Variants in VRK2 observed in about 807,000 individuals in gnomAD.
VRK2 encodes the protein VRK serine/threonine kinase 2.
In VRK2, 60 loss-of-function variants were observed where a neutral mutation model predicts 57.6. The ratio of observed to expected loss-of-function variants is 1.04; its 90% CI spans 0.85 to 1.29. The LOEUF is 1.29. Ranked by LOEUF, VRK2 falls within the 50% of genes most tolerant of loss-of-function variation. VRK2 has a pLI of 0.00. For missense variants in VRK2, 705 were observed against 588.1 expected (o/e 1.20, Z -2.06); for synonymous variants, 231 against 199.2 (o/e 1.16, Z -1.35).
chr2:58,081,348 C>G (rs1670842007), intron 2 of VRK2, among the ~76,000 whole-genome samples: 1 of 152,038 alleles, frequency 6.6e-6, no homozygotes, highest in East Asian at 1.9e-4. Flanking sequence ...TTTTAAGATG[C>G]ATTCAGATTT....
chr2:58,071,036 T>C (rs1453051912), intron 2 of VRK2, among the ~76,000 whole-genome samples: 1 of 152,208 alleles, frequency 6.6e-6, no homozygotes, highest in African/African-American at 2.4e-5. Context: ...TCTCATTGTT[T>C]TAATTTGCAA....
rs530149509 is a variant in VRK2 at position 58,082,629 on chromosome 2, C to A, written c.137-1460C>A. On this transcript the variant is annotated intron_variant, in intron 2 of 12. Coordinates refer to ENST00000340157, the MANE Select transcript of VRK2 (RefSeq NM_006296.7). ...CCCTGTGTATACTTTCTTAAGTTTT[C>A]TTCTTGGAAGAAAGTAGATCTGGCT... Among the ~76,000 whole-genome samples, 3 of 152,014 alleles carry A rather than the reference C, an allele frequency of 2.0e-5. No individual in the cohort carries two copies. In the South Asian group the frequency reaches 6.2e-4, roughly 31 times the overall value.
At chr2:57,937,411 T>A (rs1670949200) in intron 1 of VRK2, among the ~76,000 whole-genome samples, 1 of 152,214 alleles carries the variant, frequency 6.6e-6, no homozygotes, top group South Asian at 2.1e-4. Context: ...AATGGCACTG[T>A]CTCTCTGACA....
intron 7 of VRK2, among the ~76,000 whole-genome samples, chr2:58,119,233 C>G (rs1360702996): frequency 6.6e-6 from 1 of 151,846 alleles, no homozygotes; most frequent in Non-Finnish European, 1.5e-5. Flanking sequence ...CGCAGTGGCT[C>G]ACGCCTGTAA....
chr2:58,020,679 G>A (rs1337905084), intron 1 of VRK2, among the ~76,000 whole-genome samples: 4 of 152,196 alleles, frequency 2.6e-5, no homozygotes, highest in African/African-American at 9.7e-5. Context: ...GGATGCTTCT[G>A]GGAAACAGAG....
At position 58,159,483 on chromosome 2, in the gene VRK2, A is replaced by G. The variant is rs1558723250; in HGVS notation, c.1317A>G (p.Pro439=). The G allele has an allele frequency of 5.6e-6, 9 of 1,613,742 alleles. No homozygotes were observed. The highest frequency in any genetic ancestry group is 1.1e-5 in the South Asian group (1 of 91,064). The change falls in exon 13 of 13, where the codon CCA becomes CCG. Residue 439 remains proline (P), a synonymous_variant. Transcript: ENST00000340157. ...FYEPHQDFTS[P]DIFKKSRSPS... ...AGCCTCATCAAGATTTTACCAGTCC[A>G]GATATATTCAAGAAGTCAAGATCTC...
At chr2:57,956,217 C>G (rs1462556430) in intron 1 of VRK2, among the ~76,000 whole-genome samples, 2 of 151,760 alleles carry the variant, frequency 1.3e-5, no homozygotes, top group Non-Finnish European at 2.9e-5. Context: ...TCCACCTCTA[C>G]AAAAGAAAAA....
chr2:57,961,158 T>C (rs145931058), intron 1 of VRK2, among the ~76,000 whole-genome samples: 1 of 152,130 alleles, frequency 6.6e-6, no homozygotes, highest in Admixed American at 6.6e-5. Context: ...TTAAGTAAGG[T>C]AAGAATACAA....
chr2:57,927,060 G>A (rs1178914233), intron 1 of VRK2, among the ~76,000 whole-genome samples: 1 of 136,518 alleles, frequency 7.3e-6, no homozygotes, highest in African/African-American at 2.7e-5. Context: ...GTTCCCAGGA[G>A]GCTTCTGAAT....
chr2:57,926,437 ATATGTGTG>A (rs1471450694), intron 1 of VRK2, among the ~76,000 whole-genome samples: 30 of 85,962 alleles, frequency 3.5e-4, no homozygotes, highest in East Asian at 6.9e-4. Context: ...ATACATATAT[ATATGTGTG>A]TGTGTGTGTG....
intron 7 of VRK2, among the ~76,000 whole-genome samples, chr2:58,107,099 A>T (rs1674864894): frequency 6.6e-6 from 1 of 152,088 alleles, no homozygotes. Flanking sequence ...TTCATTTGTC[A>T]TATAGTGGTT....
chr2:58,133,567 CAT>C (rs1180288145), intron 9 of VRK2, among the ~76,000 whole-genome samples: 1 of 152,206 alleles, frequency 6.6e-6, no homozygotes, highest in Non-Finnish European at 1.5e-5. Flanking sequence ...ATTTTCCTGA[CAT>C]AGCATGCTGC....
At chr2:58,154,242 A>G (rs57559033) in intron 12 of VRK2, among the ~76,000 whole-genome samples, 2 of 150,742 alleles carry the variant, frequency 1.3e-5, no homozygotes, top group African/African-American at 4.9e-5. Context: ...CCAGCTTTTG[A>G]TTGATCATTC....
In VRK2 at chr2:58,137,202, CTCAT is replaced by C. The variant is rs1431975826; in HGVS notation, c.856+2004_856+2007del. Among the ~76,000 whole-genome samples, 6 of 27,330 alleles carry C rather than the reference CTCAT, an allele frequency of 2.2e-4. 1 individual carries two copies. Among genetic ancestry groups the C allele is most frequent in the Admixed American group, 9.7e-4 (2 of 2,068 alleles). The allele number at this position is 27,330 out of a possible 152,430, so 17.9% of individuals were successfully genotyped here. A position where few individuals can be genotyped will look rare whatever the true frequency, so the allele number is the denominator to read the frequency against. On this transcript the variant is annotated intron_variant, in intron 10 of 12. Transcript: ENST00000340157. ...TATATCATATATGATACATATATAT[CTCAT>C]ATATGATACATATATATCATATGAT...
chr2:57,935,481 A>G (rs960881506), intron 1 of VRK2, among the ~76,000 whole-genome samples: 1 of 152,050 alleles, frequency 6.6e-6, no homozygotes, highest in Non-Finnish European at 1.5e-5. Flanking sequence ...CATCTGTGTG[A>G]GATGCTTGCT....
intron 1 of VRK2, among the ~76,000 whole-genome samples, chr2:58,004,492 G>A (rs954344942): frequency 6.6e-6 from 1 of 152,050 alleles, no homozygotes; most frequent in African/African-American, 2.4e-5. Flanking sequence ...AACAAATCTA[G>A]GCATTATTCT....
At chr2:58,054,794 A>C (rs1484221576) in intron 2 of VRK2, among the ~76,000 whole-genome samples, 5 of 152,158 alleles carry the variant, frequency 3.3e-5, no homozygotes, top group African/African-American at 1.2e-4. Context: ...TTTCTTTAGA[A>C]TGTTTGTCCC....
chr2:57,972,411 T>C (rs746838239), intron 1 of VRK2, among the ~76,000 whole-genome samples: 2 of 152,016 alleles, frequency 1.3e-5, no homozygotes, highest in East Asian at 1.9e-4. Flanking sequence ...TTTATCTTAC[T>C]ATACACATGC....
intron 1 of VRK2, among the ~76,000 whole-genome samples, chr2:58,025,404 TAAG>T (rs1452834885): frequency 6.6e-6 from 1 of 152,172 alleles, no homozygotes; most frequent in African/African-American, 2.4e-5. Context: ...TTTGGCTTCT[TAAG>T]AAGAATTCAA....
Sources: gnomAD v4.1 joint callset for allele counts (sites outside exome capture counted in the v4.1 genomes callset) on GRCh38, gnomAD v4.1.1 for gene constraint, MANE v1.5 for transcripts, NCBI Gene and HGNC (gene_info 2026-07-23, HGNC 2026-07-21) for gene names.